Variants in COL24A1 observed in about 807,000 individuals in gnomAD.
COL24A1 encodes collagen type XXIV alpha 1 chain.
COL24A1 carries 224 observed loss-of-function variants against 253.9 expected under a neutral mutation model. The ratio of observed to expected loss-of-function variants is 0.88; its 90% CI spans 0.79 to 0.99. The LOEUF is 0.99. Ranked by LOEUF, COL24A1 falls within the 50% of genes least tolerant of loss-of-function variation. The pLI, the probability that COL24A1 is intolerant of heterozygous loss-of-function variation, is 0.00. For missense variants in COL24A1, 2,131 were observed against 2,068.5 expected (o/e 1.03, Z -0.59); for synonymous variants, 685 against 673.7 (o/e 1.02, Z -0.26).
chr1:86,049,133 T>C lies in COL24A1; in HGVS notation c.1905+991A>G, dbSNP rs535860949. Among the ~76,000 whole-genome samples, 9 of 152,326 alleles carry C rather than the reference T, an allele frequency of 5.9e-5. No individual in the cohort carries two copies. In the East Asian group the frequency reaches 1.5e-3, roughly 26 times the overall value. ...GTTAGGTGGCTTAGTTGTGGAATTA[T>C]GCTTAAGATGTTTTTTGCTATTGAA... On this transcript the variant is annotated intron_variant, in intron 11 of 59. Transcript: ENST00000370571.
chr1:85,830,397 G>T (rs1675058888), intron 43 of COL24A1, among the ~76,000 whole-genome samples: 1 of 152,164 alleles, frequency 6.6e-6, no homozygotes, highest in Non-Finnish European at 1.5e-5. Flanking sequence ...CCTGCCCCCA[G>T]AGGTGGAGCC....
chr1:85,768,168 A>C (rs1384489474), intron 53 of COL24A1, among the ~76,000 whole-genome samples: 1 of 152,160 alleles, frequency 6.6e-6, no homozygotes, highest in Non-Finnish European at 1.5e-5. Flanking sequence ...AAAAAAAGGC[A>C]TATTCCTAAG....
At chr1:85,758,337 C>A (rs1281406366) in intron 55 of COL24A1, among the ~76,000 whole-genome samples, 1 of 152,092 alleles carries the variant, frequency 6.6e-6, no homozygotes, top group African/African-American at 2.4e-5. Context: ...AATTGGAATA[C>A]ATCAGTTGGG....
At chr1:85,741,879 C>A (rs1664681638) in intron 57 of COL24A1, among the ~76,000 whole-genome samples, 1 of 152,108 alleles carries the variant, frequency 6.6e-6, no homozygotes, top group African/African-American at 2.4e-5. Flanking sequence ...GATGAAGGTC[C>A]TTAATGATGT....
intron 2 of COL24A1, among the ~76,000 whole-genome samples, chr1:86,144,098 TC>T (rs2102405625): frequency 6.6e-6 from 1 of 152,194 alleles, no homozygotes; most frequent in African/African-American, 2.4e-5. Flanking sequence ...TATTCAATTT[TC>T]TAAAGTCTGA....
intron 19 of COL24A1, among the ~76,000 whole-genome samples, chr1:85,988,559 A>G (rs1693942724): frequency 6.6e-6 from 1 of 152,104 alleles, no homozygotes. Flanking sequence ...TGATTTTGTC[A>G]TAGATTATTT....
At chr1:85,833,752 G>C (rs952088242) in intron 43 of COL24A1, among the ~76,000 whole-genome samples, 2 of 152,156 alleles carry the variant, frequency 1.3e-5, no homozygotes, top group African/African-American at 4.8e-5. Context: ...TTAAGAAAAT[G>C]TGGCACATAT....
chr1:86,031,985 G>A, intron 13 of COL24A1, 63 bp from the exon 14 acceptor site: 1 of 1,344,366 alleles, frequency 7.4e-7, no homozygotes, highest in South Asian at 1.3e-5. Flanking sequence ...GGGTATTTCT[G>A]AAGATAAACA....
At chr1:85,779,036 C>T (rs1668884404) in intron 52 of COL24A1, among the ~76,000 whole-genome samples, 1 of 151,954 alleles carries the variant, frequency 6.6e-6, no homozygotes, top group African/African-American at 2.4e-5. Context: ...GATGGGGTCT[C>T]ACTCTGTTTG....
chr1:85,927,867 G>A (rs1446269875), intron 24 of COL24A1, among the ~76,000 whole-genome samples: 2 of 136,168 alleles, frequency 1.5e-5, no homozygotes, highest in Admixed American at 7.5e-5. Flanking sequence ...CTGCAGCTGA[G>A]GGTCCTGTCT....
intron 47 of COL24A1, among the ~76,000 whole-genome samples, chr1:85,807,434 G>T (rs1482173442): frequency 6.6e-6 from 1 of 152,170 alleles, no homozygotes; most frequent in African/African-American, 2.4e-5. Flanking sequence ...ATAGTGCTTT[G>T]CTATCAGAGA....
At chr1:85,850,905 G>T (rs1285663767) in intron 37 of COL24A1, among the ~76,000 whole-genome samples, 1 of 151,648 alleles carries the variant, frequency 6.6e-6, no homozygotes, top group Non-Finnish European at 1.5e-5. Flanking sequence ...TTAAGTACAT[G>T]TAAAGATGTT....
chr1:85,972,382 T>TA (rs962831421), intron 20 of COL24A1, among the ~76,000 whole-genome samples: 91 of 151,366 alleles, frequency 6.0e-4, no homozygotes, highest in African/African-American at 2.0e-3. Flanking sequence ...TTTAACACAA[T>TA]AAAAAAAAAC....
At chr1:85,853,920 T>A (rs1678110942) in intron 37 of COL24A1, among the ~76,000 whole-genome samples, 2 of 152,194 alleles carry the variant, frequency 1.3e-5, no homozygotes, top group Non-Finnish European at 2.9e-5. Flanking sequence ...AGGTTGTCTG[T>A]TTACTCTTTT....
Position 85,849,680 on chromosome 1 carries a change from G to T in COL24A1, c.3301-274C>A, listed in dbSNP as rs540608170. Among the ~76,000 whole-genome samples the T allele has an allele frequency of 1.1e-4, 16 of 152,228 alleles. No individual in the cohort carries two copies. The South Asian group carries it at 1.5e-3, about 14-fold the overall frequency. Reference sequence around the variant, plus strand: ...CTAGGTGGAACATTACTTAGATTCAGTATACCCATTTTAATTAGAGAGAAT... The same window carrying T: ...CTAGGTGGAACATTACTTAGATTCATTATACCCATTTTAATTAGAGAGAAT... On this transcript the variant is annotated intron_variant, in intron 37 of 59. Transcript: ENST00000370571.
intron 3 of COL24A1, among the ~76,000 whole-genome samples, chr1:86,122,395 C>T (rs905987844): frequency 6.6e-6 from 1 of 151,980 alleles, no homozygotes; most frequent in Non-Finnish European, 1.5e-5. Flanking sequence ...TGACCCTATG[C>T]CACATTCCTC....
chr1:86,125,095 G>C lies in COL24A1; in HGVS notation c.1241C>G (p.Ala414Gly), dbSNP rs753163588. The C allele has an allele frequency of 4.3e-6, 7 of 1,611,708 alleles. No homozygotes were observed. Among genetic ancestry groups the C allele is most frequent in the Admixed American group, 1.7e-5 (1 of 59,716 alleles). ...TITNLKKAIT[A>G]NLHTNELMEM... ...CATGAGTTCGTTAGTGTGTAGATTTGCTGTGATAGCCTTCTTGAGATTAGT... is the reference window on the plus strand; with the variant it reads ...CATGAGTTCGTTAGTGTGTAGATTTCCTGTGATAGCCTTCTTGAGATTAGT... Residue 414 changes from alanine (A) to glycine (G), a missense_variant, in exon 3 of 60, where the codon GCA (alanine) becomes GGA (glycine). Physicochemically the swap from Ala to Gly is moderately conservative, Grantham distance 60. Coordinates refer to ENST00000370571, the MANE Select transcript of COL24A1 (RefSeq NM_152890.7).
intron 35 of COL24A1, among the ~76,000 whole-genome samples, chr1:85,873,675 C>T (rs1680797541): frequency 6.6e-6 from 1 of 152,058 alleles, no homozygotes; most frequent in Non-Finnish European, 1.5e-5. Context: ...ACATCACACA[C>T]TGTCGTGGGG....
chr1:86,097,681 T>C (rs1704114202), intron 5 of COL24A1, among the ~76,000 whole-genome samples: 1 of 148,692 alleles, frequency 6.7e-6, no homozygotes, highest in Admixed American at 6.7e-5. Context: ...CTCCTCCTCC[T>C]TCTTCTTCCT....
Sources: allele counts gnomAD v4.1 joint callset (sites outside exome capture counted in the v4.1 genomes callset), GRCh38; gene constraint gnomAD v4.1.1; transcripts MANE v1.5; gene names NCBI Gene and HGNC (gene_info 2026-07-23, HGNC 2026-07-21).